Variants in WDR41 observed in about 807,000 individuals in gnomAD.
WDR41 encodes the protein WD repeat domain 41.
WDR41 carries 63 observed loss-of-function variants against 69.3 expected under a neutral mutation model. The ratio of observed to expected loss-of-function variants is 0.91; its 90% CI spans 0.74 to 1.12. WDR41 has a LOEUF of 1.12. Ranked by LOEUF, WDR41 falls within the 50% of genes most tolerant of loss-of-function variation. The pLI is 0.00. For missense variants in WDR41, 543 were observed against 534.5 expected (o/e 1.02, Z -0.16); for synonymous variants, 185 against 192.1 (o/e 0.96, Z 0.31).
rs369417800 is a variant in WDR41, at chr5:77,530,409, A to G, written c.43-40837T>C. 9.2e-5 allele frequency among the ~76,000 whole-genome samples: 14 copies of G among 151,892 alleles called. No individual in the cohort carries two copies. The East Asian group carries it at 2.1e-3, about 23-fold the overall frequency. On this transcript the variant is annotated intron_variant, in intron 1 of 5. Coordinates refer to the WDR41 transcript ENST00000509971. ...TAGAAGAATAGACAAACATCTTTAT[A>G]AAATGAATTACCACTTATCACTAAG...
upstream of WDR41, chr5:77,492,350 A>C: frequency 1.6e-6 from 2 of 1,277,284 alleles, no homozygotes; most frequent in Non-Finnish European, 2.2e-6. Context: ...AGATCAGCCC[A>C]CGGGCCGAAG....
At chr5:77,569,097 A>G (rs772577185) in intron 1 of WDR41, among the ~76,000 whole-genome samples, 1 of 152,126 alleles carries the variant, frequency 6.6e-6, no homozygotes, top group African/African-American at 2.4e-5. Context: ...TCAATTTAAC[A>G]TTAAAAGTCC....
intron 1 of WDR41, among the ~76,000 whole-genome samples, chr5:77,608,625 C>T (rs926821358): frequency 3.9e-5 from 6 of 152,328 alleles, no homozygotes; most frequent in Admixed American, 2.0e-4. Flanking sequence ...TTGGATGGTG[C>T]TCTTCTGTAC....
intron 1 of WDR41, among the ~76,000 whole-genome samples, chr5:77,526,513 T>C (rs1802449559): frequency 6.6e-6 from 1 of 152,192 alleles, no homozygotes; most frequent in South Asian, 2.1e-4. Flanking sequence ...TTTCTTGCTT[T>C]TTATAAACTT....
chr5:77,539,783 G>T (rs1408261257), intron 1 of WDR41, among the ~76,000 whole-genome samples: 5 of 152,114 alleles, frequency 3.3e-5, no homozygotes, highest in African/African-American at 1.2e-4. Flanking sequence ...GACAAGAATG[G>T]CAAGAATAGT....
intron 1 of WDR41, among the ~76,000 whole-genome samples, chr5:77,608,491 T>A (rs887727405): frequency 1.2e-4 from 19 of 152,174 alleles, no homozygotes; most frequent in Non-Finnish European, 1.8e-4. Context: ...GATATTTAAA[T>A]TTAAAAAGTA....
At chr5:77,568,120 AG>A (rs1486000021) in intron 1 of WDR41, among the ~76,000 whole-genome samples, 1 of 152,104 alleles carries the variant, frequency 6.6e-6, no homozygotes, top group African/African-American at 2.4e-5. Flanking sequence ...GTTTGCTTCC[AG>A]GGTATATAGA....
intron 1 of WDR41, among the ~76,000 whole-genome samples, chr5:77,574,785 T>C (rs1432363209): frequency 6.6e-6 from 1 of 152,180 alleles, no homozygotes; most frequent in Non-Finnish European, 1.5e-5. Context: ...TAAAACACAA[T>C]TTCCCATACA....
chr5:77,555,093 A>C (rs1743366920), intron 1 of WDR41, among the ~76,000 whole-genome samples: 1 of 152,060 alleles, frequency 6.6e-6, no homozygotes, highest in Admixed American at 6.6e-5. Context: ...TTTCAAAAAA[A>C]AAAAAAAATA....
At chr5:77,468,440 GAGA>G (rs573703634) in intron 2 of WDR41, among the ~76,000 whole-genome samples, 134 of 152,244 alleles carry the variant, frequency 8.8e-4, no homozygotes, top group African/African-American at 3.1e-3. Context: ...GAACATCTCT[GAGA>G]AAGTATTCTC....
chr5:77,536,580 A>G (rs1420099610), intron 1 of WDR41, among the ~76,000 whole-genome samples: 1 of 152,188 alleles, frequency 6.6e-6, no homozygotes, highest in East Asian at 1.9e-4. Context: ...ACAACATTTC[A>G]GTCAATGACA....
chr5:77,434,685 A>T (rs1211790477), intron 12 of WDR41, among the ~76,000 whole-genome samples: 1 of 152,088 alleles, frequency 6.6e-6, no homozygotes, highest in Non-Finnish European at 1.5e-5. Flanking sequence ...CAACAGAGTG[A>T]GATGCTGTCT....
chr5:77,535,482 C>T (rs531405522), intron 1 of WDR41, among the ~76,000 whole-genome samples: 3 of 152,156 alleles, frequency 2.0e-5, no homozygotes, highest in South Asian at 2.1e-4. Context: ...ACGTATATCT[C>T]GGTATAGTCA....
At chr5:77,463,796 A>G (rs1451261183) in intron 3 of WDR41, among the ~76,000 whole-genome samples, 6 of 152,218 alleles carry the variant, frequency 3.9e-5, no homozygotes, top group African/African-American at 1.4e-4. Flanking sequence ...AGTAGTAAAC[A>G]TGCAAAAATA....
chr5:77,463,846 G>A (rs1003860065), intron 3 of WDR41, among the ~76,000 whole-genome samples: 5 of 152,202 alleles, frequency 3.3e-5, no homozygotes, highest in East Asian at 1.9e-4. Context: ...GCAGGACTTC[G>A]TGAATGTGGT....
chr5:77,547,474 C>T (rs181341594), intron 1 of WDR41, among the ~76,000 whole-genome samples: 99 of 151,586 alleles, frequency 6.5e-4, no homozygotes, highest in East Asian at 2.5e-3. Flanking sequence ...TATACACCAA[C>T]GGTGACCAAG....
At chr5:77,590,088 T>G (rs962076331) in intron 1 of WDR41, among the ~76,000 whole-genome samples, 5 of 152,028 alleles carry the variant, frequency 3.3e-5, no homozygotes, top group Non-Finnish European at 7.4e-5. Context: ...ATGGAGGAGG[T>G]TTTTTGTCTT....
chr5:77,594,491 T>C (rs917851912), intron 1 of WDR41, among the ~76,000 whole-genome samples: 3 of 152,076 alleles, frequency 2.0e-5, no homozygotes, highest in Non-Finnish European at 4.4e-5. Flanking sequence ...GCATACATTA[T>C]AAAAATGTCT....
intron 1 of WDR41, among the ~76,000 whole-genome samples, chr5:77,576,007 C>T (rs1743824142): frequency 2.0e-5 from 3 of 152,152 alleles, no homozygotes; most frequent in Admixed American, 2.0e-4. Context: ...ATAAAGTGAA[C>T]CTTCTGGATG....
Sources: allele counts gnomAD v4.1 joint callset (sites outside exome capture counted in the v4.1 genomes callset), GRCh38; gene constraint gnomAD v4.1.1; transcripts MANE v1.5; gene names NCBI Gene and HGNC (gene_info 2026-07-23, HGNC 2026-07-21).